Variants in HDC observed in about 807,000 individuals in gnomAD.
The protein encoded by HDC is histidine decarboxylase.
Under a neutral mutation model 64.4 loss-of-function variants are expected in HDC, and 27 were observed. The observed-to-expected ratio is 0.42, with a 90% CI of 0.31 to 0.58. The LOEUF is 0.58. Among genes scored for constraint, HDC ranks in the 20% least tolerant of loss-of-function variants. HDC has a pLI of 0.16. For missense variants in HDC, 711 were observed against 833.9 expected (o/e 0.85, Z 1.81); for synonymous variants, 305 against 314.2 (o/e 0.97, Z 0.31).
Position 50,248,355 on chromosome 15 carries a change from G to T in HDC, c.1042-12C>A. 6.3e-7 allele frequency: 1 copy of T among 1,597,002 alleles called. No homozygotes were observed. The highest frequency in any genetic ancestry group is 8.6e-7 in the Non-Finnish European group (1 of 1,164,682). On this transcript the variant is annotated splice_polypyrimidine_tract_variant and intron_variant, in intron 9 of 11. Transcript: ENST00000267845. This position sits in a 1 kb window ranked among gnomAD's most constrained non-coding sequence, Gnocchi z 4.3. ...GGGATCTGCCAGTGCTAGAAACAAA[G>T]GAACACAGTGCCCAAGGTTAGAGAC...
intron 10 of HDC, among the ~76,000 whole-genome samples, chr15:50,243,609 G>T (rs1328537123): frequency 6.6e-6 from 1 of 152,218 alleles, no homozygotes; most frequent in Non-Finnish European, 1.5e-5. Flanking sequence ...CCCAGTCCAT[G>T]CTCTGCGTTC....
chr15:50,258,366 G>A (rs373376412), intron 3 of HDC, 38 bp downstream of exon 3: 6 of 1,155,902 alleles, frequency 5.2e-6, no homozygotes, highest in South Asian at 3.7e-5. Context: ...TCCCTGCTAC[G>A]TTCCCCATTG....
At chr15:50,261,227 C>T (rs890006923) in intron 2 of HDC, among the ~76,000 whole-genome samples, 1 of 152,172 alleles carries the variant, frequency 6.6e-6, no homozygotes. Context: ...CAGAAATGAG[C>T]CTCACCGACC....
At chr15:50,257,201 G>A (rs937950746) in intron 4 of HDC, among the ~76,000 whole-genome samples, 9 of 152,222 alleles carry the variant, frequency 5.9e-5, no homozygotes, top group Non-Finnish European at 4.4e-5. Flanking sequence ...GTGATCATGT[G>A]TTGGCTCTTT....
At chr15:50,244,974 T>C (rs1476447235) in intron 10 of HDC, 1 of 152,188 alleles carries the variant, frequency 6.6e-6, no homozygotes, top group African/African-American at 2.4e-5. Flanking sequence ...GAAAGTGACT[T>C]TCCCAAGGTA....
Position 50,249,339 on chromosome 15 carries a change from C to A in HDC, c.1042-996G>T, listed in dbSNP as rs575553126. Among the ~76,000 whole-genome samples, 6 of 152,206 alleles carry A rather than the reference C, an allele frequency of 3.9e-5. No individual in the cohort carries two copies. The East Asian group carries it at 5.8e-4, about 15-fold the overall frequency. On this transcript the variant is annotated intron_variant, in intron 9 of 11. Transcript: ENST00000267845. ...GTTTCCTAATGACATCTCCCTCAAA[C>A]GTCAGAAAGTTTCTACCACAATTTC... is the stretch of plus-strand genomic sequence containing the variant.
At chr15:50,259,565 C>T (rs1389361466) in intron 2 of HDC, among the ~76,000 whole-genome samples, 27 of 152,172 alleles carry the variant, frequency 1.8e-4, no homozygotes, top group Admixed American at 1.8e-3. Flanking sequence ...TGCCCTGTTC[C>T]TTTCTGCATT....
intron 2 of HDC, among the ~76,000 whole-genome samples, chr15:50,261,795 C>T (rs376606469): frequency 2.6e-5 from 4 of 151,700 alleles, no homozygotes; most frequent in Admixed American, 6.6e-5. Context: ...CCGCAACCTC[C>T]GCCTCCCGGG....
Position 50,257,379 on chromosome 15 carries a change from C to T in HDC, c.441+46G>A, listed in dbSNP as rs533903607. The T allele has an allele frequency of 7.6e-5, 122 of 1,613,404 alleles. 2 individuals carry two copies. The South Asian group carries it at 1.0e-3, about 14-fold the overall frequency. On this transcript the variant is annotated intron_variant, in intron 4 of 11. Coordinates refer to ENST00000267845, the MANE Select transcript of HDC (RefSeq NM_002112.4). ...CCAGGTTAGGGTTTGGCTTGTCTTT[C>T]GCTACTTAGCCCCCAAGCTAGGTGA...
chr15:50,257,530 A>G lies in HDC; in HGVS notation c.336T>C (p.Cys112=), dbSNP rs200330317. 8.7e-6 allele frequency: 14 copies of G among 1,614,146 alleles called. No homozygotes were observed. Among genetic ancestry groups the G allele is most frequent in the African/African-American group, 6.7e-5 (5 of 75,064 alleles). Residue 112 remains cysteine (C), a synonymous_variant, in exon 4 of 12, where the codon TGT becomes TGC. Coordinates refer to ENST00000267845, the MANE Select transcript of HDC (RefSeq NM_002112.4). ...CCATGACGTTCATCTCCAGCTCTGT[A>G]CACGCAGGGCTGGATGCCTGAGAAA... is the stretch of plus-strand genomic sequence containing the variant. ...LGFTWASSPA[C]TELEMNVMDW...
At chr15:50,243,510 A>T (rs2045431874) in intron 10 of HDC, among the ~76,000 whole-genome samples, 1 of 152,228 alleles carries the variant, frequency 6.6e-6, no homozygotes, top group South Asian at 2.1e-4. Context: ...AGAACCCAGA[A>T]GGCATGTGCT....
intron 3 of HDC, 94 bp downstream of exon 3, chr15:50,258,310 C>G (rs2045658239): frequency 4.1e-6 from 3 of 730,312 alleles, no homozygotes; most frequent in Non-Finnish European, 7.6e-6. Context: ...TATTGTGGAG[C>G]CATATTCAGA....
chr15:50,263,185 C>G (rs370649975), intron 2 of HDC, 50 bp downstream of exon 2: 1 of 1,588,418 alleles, frequency 6.3e-7, no homozygotes, highest in Admixed American at 1.7e-5. Flanking sequence ...CACCACCCAC[C>G]CTTCTGTGCC....
chr15:50,245,594 T>C (rs1280439563), intron 10 of HDC, among the ~76,000 whole-genome samples: 1 of 152,196 alleles, frequency 6.6e-6, no homozygotes, highest in East Asian at 1.9e-4. Flanking sequence ...TTTCTCATTT[T>C]TATAAATTAG....
rs142050971 is a variant in HDC, at chr15:50,263,948, G to A, written c.32-541C>T. Among the ~76,000 whole-genome samples the A allele has an allele frequency of 2.7e-3, 416 of 152,276 alleles. 5 individuals carry two copies. Among genetic ancestry groups the A allele is most frequent in the African/African-American group, 9.2e-3 (382 of 41,556 alleles). ...AATCTCCAAAGCACAAAACTCTAGC[G>A]CCAAAGTGAAACGTTTCATTTTCTT... On this transcript the variant is annotated intron_variant, in intron 1 of 11. Coordinates refer to ENST00000267845, the MANE Select transcript of HDC (RefSeq NM_002112.4).
chr15:50,264,593 G>A (rs181507050), intron 1 of HDC, among the ~76,000 whole-genome samples: 178 of 152,096 alleles, frequency 1.2e-3, no homozygotes, highest in South Asian at 1.5e-3. Flanking sequence ...GTGTGTGCAT[G>A]TGTGTGTGTG....
intron 3 of HDC, 39 bp downstream of exon 3, chr15:50,258,365 C>T (rs769575078): frequency 9.7e-6 from 11 of 1,139,012 alleles, no homozygotes; most frequent in East Asian, 2.4e-5. Flanking sequence ...CTCCCTGCTA[C>T]GTTCCCCATT....
chr15:50,248,445 T>C lies in HDC; in HGVS notation c.1042-102A>G. The C allele has an allele frequency of 1.3e-6, 1 of 786,638 alleles. No homozygotes were observed. The allele number at this position is 786,638 out of a possible 1,614,324, so 48.7% of individuals were successfully genotyped here. ...TGTTGCCTGCCCAGCCCTCCAGGGA[T>C]GGACGATGTCACCATGACTCTGGGA... On this transcript the variant is annotated intron_variant, in intron 9 of 11. Transcript: ENST00000267845. This position sits in a 1 kb window ranked among gnomAD's most constrained non-coding sequence, Gnocchi z 4.3.
At chr15:50,254,800 G>C (rs2045610069) in intron 4 of HDC, 136 bp from the exon 5 acceptor site, 10 of 901,438 alleles carry the variant, frequency 1.1e-5, no homozygotes, top group South Asian at 5.7e-5. Flanking sequence ...GTTTGTGTAT[G>C]TGTGTGTCAT....
Sources: allele counts gnomAD v4.1 joint callset (sites outside exome capture counted in the v4.1 genomes callset), GRCh38; gene constraint gnomAD v4.1.1; non-coding constraint Gnocchi (gnomAD v3.1); transcripts MANE v1.5; gene names NCBI Gene and HGNC (gene_info 2026-07-23, HGNC 2026-07-21).